The following GPHN variants were observed in gnomAD, a reference collection of about 807,000 sequenced individuals.
The protein encoded by GPHN is gephyrin.
GPHN carries 17 observed loss-of-function variants against 95.5 expected under a neutral mutation model. The ratio of observed to expected loss-of-function variants is 0.18; its 90% CI spans 0.12 to 0.27. GPHN has a LOEUF of 0.27. GPHN is among the 10% of genes least tolerant of loss of function. The pLI, the probability that GPHN is intolerant of heterozygous loss-of-function variation, is 1.00. For missense variants in GPHN, 660 were observed against 978.1 expected (o/e 0.67, Z 4.34); for synonymous variants, 320 against 322.5 (o/e 0.99, Z 0.08).
At chr14:66,573,258 C>T (rs547070987) in intron 1 of GPHN, among the ~76,000 whole-genome samples, 1 of 152,222 alleles carries the variant, frequency 6.6e-6, no homozygotes, top group African/African-American at 2.4e-5. Flanking sequence ...TATTGATTTT[C>T]TCACTGGATG....
At chr14:67,199,334 C>G in the GPHN span, 1 of 1,613,872 alleles carries the variant, frequency 6.2e-7, no homozygotes, top group Non-Finnish European at 8.5e-7. Flanking sequence ...GGCATCAGCT[C>G]ACAACAAAAA....
intron 1 of GPHN, among the ~76,000 whole-genome samples, chr14:66,518,414 T>A (rs1188904795): frequency 1.3e-5 from 2 of 152,148 alleles, no homozygotes; most frequent in African/African-American, 2.4e-5. Flanking sequence ...ACAGCCACTA[T>A]GGAGAACAGT....
chr14:66,716,581 T>C (rs2070205138), intron 2 of GPHN, among the ~76,000 whole-genome samples: 2 of 152,158 alleles, frequency 1.3e-5, no homozygotes, highest in Admixed American at 1.3e-4. Context: ...TGTTTTGTTT[T>C]GTTTGCTTTT....
chr14:66,846,637 G>A (rs1042849589), intron 4 of GPHN, among the ~76,000 whole-genome samples: 6 of 152,144 alleles, frequency 3.9e-5, no homozygotes, highest in African/African-American at 1.4e-4. Context: ...ACAGCTGAAG[G>A]ATGCTGGCAG....
At chr14:67,557,236 G>A in the GPHN span, 1 of 1,602,880 alleles carries the variant, frequency 6.2e-7, no homozygotes, top group African/African-American at 1.3e-5. Flanking sequence ...TGTGAGTGAT[G>A]GGAAGACACT....
chr14:67,567,306 T>A, the GPHN span, among the ~76,000 whole-genome samples: 1 of 152,178 alleles, frequency 6.6e-6, no homozygotes, highest in East Asian at 1.9e-4. Context: ...TACTTATGTA[T>A]CTTAGAGTTT....
chr14:67,302,089 C>T, the GPHN span: 422 of 1,605,780 alleles, frequency 2.6e-4, no homozygotes, highest in Non-Finnish European at 3.5e-4. Context: ...AAAAATAGTT[C>T]GTATAGAAAA....
At chr14:67,369,969 C>T in the GPHN span, among the ~76,000 whole-genome samples, 2 of 152,120 alleles carry the variant, frequency 1.3e-5, no homozygotes, top group Non-Finnish European at 2.9e-5. Context: ...CTGAGAGCCC[C>T]GAACAGAGAT....
the GPHN span, among the ~76,000 whole-genome samples, chr14:67,652,933 G>A: frequency 6.6e-6 from 1 of 151,942 alleles, no homozygotes; most frequent in Non-Finnish European, 1.5e-5. Context: ...TGGGATTACA[G>A]TGCCCGCCAC....
chr14:67,292,265 A>G, the GPHN span, among the ~76,000 whole-genome samples: 1 of 152,136 alleles, frequency 6.6e-6, no homozygotes, highest in Non-Finnish European at 1.5e-5. Flanking sequence ...TTGTTTTTAT[A>G]TTGAATGTGT....
chr14:67,446,133 G>GGA, the GPHN span: 2 of 481,726 alleles, frequency 4.2e-6, no homozygotes, highest in African/African-American at 4.0e-5. Context: ...AGAAGAGGCA[G>GGA]GACCAGTTTT....
intron 10 of GPHN, among the ~76,000 whole-genome samples, chr14:67,043,622 C>A (rs189362966): frequency 2.6e-5 from 4 of 152,104 alleles, no homozygotes; most frequent in African/African-American, 9.7e-5. Flanking sequence ...CTGCTGGATT[C>A]GGCTTGCCAG....
At chr14:67,709,274 G>A in the GPHN span, among the ~76,000 whole-genome samples, 8 of 152,272 alleles carry the variant, frequency 5.3e-5, no homozygotes, top group African/African-American at 1.9e-4. Flanking sequence ...CAAAAAAGGT[G>A]AAAACCTTCA....
intron 2 of GPHN, among the ~76,000 whole-genome samples, chr14:66,734,470 CA>C (rs1267289951): frequency 1.1e-4 from 17 of 152,264 alleles, no homozygotes; most frequent in African/African-American, 4.1e-4. Flanking sequence ...ATGTTAAAAT[CA>C]GATCACCTCT....
chr14:67,095,011 T>C (rs1595107241), intron 12 of GPHN, among the ~76,000 whole-genome samples: 1 of 152,218 alleles, frequency 6.6e-6, no homozygotes, highest in Non-Finnish European at 1.5e-5. Flanking sequence ...GTTAGTACAC[T>C]CTGTGATGAT....
At chr14:67,171,654 C>G (rs1173755541) in intron 21 of GPHN, among the ~76,000 whole-genome samples, 1 of 151,982 alleles carries the variant, frequency 6.6e-6, no homozygotes, top group Non-Finnish European at 1.5e-5. Flanking sequence ...CATGCCCATC[C>G]CCCCCTCACA....
the GPHN span, chr14:67,677,362 G>GTTTT: frequency 1.1e-4 from 3 of 26,256 alleles, no homozygotes; most frequent in Admixed American, 3.6e-4. Flanking sequence ...TTGTTTTTAG[G>GTTTT]ATTTTTTTTT....
chr14:66,710,882 A>G (rs1294945788), intron 2 of GPHN, among the ~76,000 whole-genome samples: 3 of 152,206 alleles, frequency 2.0e-5, no homozygotes. Context: ...CTCATAGAAC[A>G]TAGTCTGATA....
the GPHN span, among the ~76,000 whole-genome samples, chr14:67,239,368 G>C: frequency 6.6e-5 from 10 of 152,146 alleles, no homozygotes; most frequent in Non-Finnish European, 1.0e-4. Context: ...ATTGGGGAGG[G>C]TGATGCTACT....
Sources: allele counts gnomAD v4.1 joint callset (sites outside exome capture counted in the v4.1 genomes callset), GRCh38; gene constraint gnomAD v4.1.1; transcripts MANE v1.5; gene names NCBI Gene and HGNC (gene_info 2026-07-23, HGNC 2026-07-21).